The following EIF2S2 variants were observed in gnomAD, a reference collection of about 807,000 sequenced individuals.
EIF2S2 encodes the protein eukaryotic translation initiation factor 2 subunit 2.
In EIF2S2, 4 loss-of-function variants were observed where a neutral mutation model predicts 44.0. The ratio of observed to expected loss-of-function variants is 0.09; its 90% CI spans 0.04 to 0.21. The LOEUF is 0.21. Among genes scored for constraint, EIF2S2 ranks in the 10% least tolerant of loss-of-function variants. The pLI is 1.00. For synonymous variants in EIF2S2, 108 were observed against 128.3 expected (o/e 0.84, Z 1.07); for missense variants, 154 against 392.0 (o/e 0.39, Z 5.13).
chr20:34,097,899 T>C (rs776478104), intron 4 of EIF2S2, among the ~76,000 whole-genome samples: 14 of 152,220 alleles, frequency 9.2e-5, no homozygotes, highest in Non-Finnish European at 2.1e-4. Flanking sequence ...AAAGACCCTA[T>C]AGCATTTAGA....
chr20:34,108,668 T>C (rs1399439012), intron 1 of EIF2S2, among the ~76,000 whole-genome samples: 1 of 152,164 alleles, frequency 6.6e-6, no homozygotes, highest in African/African-American at 2.4e-5. Flanking sequence ...AAGCATAAAT[T>C]TTCTATTTTC....
chr20:34,102,812 G>C (rs191910019), intron 3 of EIF2S2, among the ~76,000 whole-genome samples: 2 of 152,092 alleles, frequency 1.3e-5, no homozygotes, highest in East Asian at 3.8e-4. Context: ...CTCTAGGGAG[G>C]AAAACAGATC....
intron 5 of EIF2S2, 90 bp from the exon 6 acceptor site, chr20:34,096,895 C>A: frequency 2.2e-6 from 3 of 1,351,818 alleles, no homozygotes; most frequent in Non-Finnish European, 3.0e-6. Flanking sequence ...ACAGCAAATA[C>A]TTCACTTCTG....
intron 3 of EIF2S2, among the ~76,000 whole-genome samples, chr20:34,103,089 A>C (rs1486686112): frequency 6.6e-6 from 1 of 152,180 alleles, no homozygotes; most frequent in Non-Finnish European, 1.5e-5. Flanking sequence ...AGGTACACAT[A>C]TCAATTTGTA....
intron 3 of EIF2S2, 29 bp from the exon 4 acceptor site, chr20:34,098,662 T>C: frequency 6.2e-7 from 1 of 1,608,064 alleles, no homozygotes; most frequent in Non-Finnish European, 8.5e-7. Context: ...TCTGAACATT[T>C]GATACTGGGA....
Position 34,105,382 on chromosome 20 carries a change from T to C in EIF2S2, c.179A>G (p.Asp60Gly), listed in dbSNP as rs764681906. Residue 60 changes from aspartate (D) to glycine (G), a missense_variant, in exon 2 of 9, where the codon GAC (aspartate) becomes GGC (glycine). Physicochemically the swap from Asp to Gly is moderately conservative, Grantham distance 94. Transcript: ENST00000374980. ...EDKDLEADEE[D>G]TRKKDASDDL... Reference sequence around the variant, plus strand: ...CAACCACGCACCTTTTTTCCTAGTGTCCTCTTCATCAGCTTCCAAATCCTT... The same window carrying C: ...CAACCACGCACCTTTTTTCCTAGTGCCCTCTTCATCAGCTTCCAAATCCTT... 6.2e-7 allele frequency: 1 copy of C among 1,612,574 alleles called. No homozygotes were observed. The highest frequency in any genetic ancestry group is 1.1e-5 in the South Asian group (1 of 90,694).
intron 1 of EIF2S2, 51 bp from the exon 2 acceptor site, chr20:34,105,596 T>G: frequency 1.4e-6 from 2 of 1,456,708 alleles, no homozygotes; most frequent in South Asian, 1.3e-5. Context: ...TTTTTAATGA[T>G]GCTCACATTC....
In EIF2S2 at chr20:34,090,024, A is replaced by G. The variant is rs1390571589; in HGVS notation, c.827-119T>C. ...GCCCAGGCTGAGAATTTAGCTGGGC[A>G]CCCAGACCAGGGAAGCGCAGCTATT... On this transcript the variant is annotated intron_variant, in intron 8 of 8. Coordinates refer to ENST00000374980, the MANE Select transcript of EIF2S2 (RefSeq NM_003908.5). The G allele has an allele frequency of 2.7e-6, 3 of 1,104,730 alleles. No homozygotes were observed. In the Admixed American group the frequency reaches 7.1e-5, roughly 26 times the overall value. 68.4% of individuals were successfully genotyped at this position (1,104,730 alleles called of 1,614,324 possible). A position where few individuals can be genotyped will look rare whatever the true frequency, so the allele number is the denominator to read the frequency against.
intron 3 of EIF2S2, among the ~76,000 whole-genome samples, chr20:34,099,278 A>G (rs914421594): frequency 6.6e-6 from 1 of 151,902 alleles, no homozygotes; most frequent in African/African-American, 2.4e-5. Flanking sequence ...AATCGCTTGA[A>G]CCCAGGAAGC....
At chr20:34,096,958 G>A (rs1253155885) in intron 5 of EIF2S2, among the ~76,000 whole-genome samples, 153 bp from the exon 6 acceptor site, 2 of 152,292 alleles carry the variant, frequency 1.3e-5, no homozygotes, top group African/African-American at 2.4e-5. Context: ...GAGGGCAGAG[G>A]TTCATCCCCA....
At chr20:34,092,660 C>T (rs1601530069) in intron 7 of EIF2S2, among the ~76,000 whole-genome samples, 1 of 152,068 alleles carries the variant, frequency 6.6e-6, no homozygotes, top group Admixed American at 6.6e-5. Context: ...GAGCGAGACT[C>T]CATCTCAAAA....
At chr20:34,090,481 T>G in intron 8 of EIF2S2, 36 bp downstream of exon 8, 1 of 1,315,214 alleles carries the variant, frequency 7.6e-7, no homozygotes, top group Non-Finnish European at 1.0e-6. Flanking sequence ...ATGAGAACAT[T>G]TCAGGGTGAT....
chr20:34,100,692 C>T (rs1017911140), intron 3 of EIF2S2, among the ~76,000 whole-genome samples: 12 of 151,992 alleles, frequency 7.9e-5, no homozygotes, highest in Non-Finnish European at 1.5e-4. Context: ...CAGTCTGTGG[C>T]GTGGTCTTTG....
chr20:34,094,770 C>G (rs1349587271), intron 6 of EIF2S2, among the ~76,000 whole-genome samples: 1 of 151,932 alleles, frequency 6.6e-6, no homozygotes, highest in Non-Finnish European at 1.5e-5. Flanking sequence ...CAATGCCATT[C>G]AATATTTTCA....
chr20:34,091,781 G>GT (rs1372201430), intron 7 of EIF2S2, among the ~76,000 whole-genome samples: 3 of 144,898 alleles, frequency 2.1e-5, no homozygotes, highest in Admixed American at 2.1e-4. Flanking sequence ...TTTTTTGGGG[G>GT]GGGGGGGTCC....
intron 6 of EIF2S2, among the ~76,000 whole-genome samples, chr20:34,095,998 T>C (rs1475754158): frequency 6.6e-6 from 1 of 152,192 alleles, no homozygotes; most frequent in Non-Finnish European, 1.5e-5. Context: ...TTAAGAAAGA[T>C]ACAATCTCAT....
At chr20:34,092,927 C>T (rs2034184292) in intron 7 of EIF2S2, among the ~76,000 whole-genome samples, 1 of 152,126 alleles carries the variant, frequency 6.6e-6, no homozygotes, top group African/African-American at 2.4e-5. Context: ...AGCTATGTGA[C>T]CAACTACAAC....
intron 6 of EIF2S2, among the ~76,000 whole-genome samples, chr20:34,095,624 T>C (rs746350960): frequency 1.1e-4 from 16 of 152,252 alleles, no homozygotes; most frequent in Admixed American, 2.6e-4. Context: ...TATCTACCTC[T>C]TAATGGTGGA....
chr20:34,091,966 G>A (rs1224105800), intron 7 of EIF2S2, among the ~76,000 whole-genome samples: 2 of 152,042 alleles, frequency 1.3e-5, no homozygotes, highest in Non-Finnish European at 2.9e-5. Flanking sequence ...AACTGTCAAT[G>A]GTACTTAATG....
Sources: gnomAD v4.1 joint callset for allele counts (sites outside exome capture counted in the v4.1 genomes callset) on GRCh38, gnomAD v4.1.1 for gene constraint, MANE v1.5 for transcripts, NCBI Gene and HGNC (gene_info 2026-07-23, HGNC 2026-07-21) for gene names.